Variants in CTIF observed in about 807,000 individuals in gnomAD.
CTIF encodes CBP80/20-dependent translation initiation factor.
In CTIF, 21 loss-of-function variants were observed where a neutral mutation model predicts 66.0. The observed-to-expected ratio is 0.32, with a 90% confidence interval of 0.23 to 0.46. The LOEUF is 0.46. CTIF is among the 20% of genes least tolerant of loss of function. The pLI, the probability that CTIF is intolerant of heterozygous loss-of-function variation, is 1.00. For synonymous variants in CTIF, 345 were observed against 326.4 expected (o/e 1.06, Z -0.62); for missense variants, 739 against 812.7 (o/e 0.91, Z 1.10).
intron 7 of CTIF, among the ~76,000 whole-genome samples, chr18:48,720,277 G>C (rs60240847): frequency 8.6e-5 from 13 of 151,804 alleles, no homozygotes; most frequent in Admixed American, 1.3e-4. Context: ...AGATGGGGAC[G>C]GGGGGGATGC....
At chr18:48,642,161 C>A (rs2090946103) in intron 3 of CTIF, among the ~76,000 whole-genome samples, 2 of 152,138 alleles carry the variant, frequency 1.3e-5, no homozygotes, top group Non-Finnish European at 2.9e-5. Flanking sequence ...CTGCTGTGAG[C>A]CCAGCAGATG....
Position 48,707,613 on chromosome 18 carries a change from CCTT to C in CTIF, c.508-4003_508-4001del, listed in dbSNP as rs368764232. ...TTCCTTCTCCTTTCTTCCTCCTCCT[CCTT>C]CTCCTCTTCCTCATTCTCCTTTTTT... is the stretch of plus-strand genomic sequence containing the variant. On this transcript the variant is annotated intron_variant, in intron 6 of 11. Transcript: ENST00000256413. Among the ~76,000 whole-genome samples the C allele has an allele frequency of 4.0e-3, 606 of 151,922 alleles. 4 individuals carry two copies. Among genetic ancestry groups the C allele is most frequent in the African/African-American group, 0.014 (570 of 41,376 alleles).
intron 7 of CTIF, among the ~76,000 whole-genome samples, chr18:48,726,934 C>G (rs1191779301): frequency 6.6e-6 from 1 of 152,078 alleles, no homozygotes; most frequent in Admixed American, 6.5e-5. Context: ...AGCATCAGCT[C>G]CAAGTCCAAA....
chr18:48,807,616 T>C (rs1031910299), intron 9 of CTIF, among the ~76,000 whole-genome samples: 4 of 150,458 alleles, frequency 2.7e-5, no homozygotes, highest in Non-Finnish European at 5.9e-5. Context: ...AGTCTCGCTC[T>C]GTTGCCCAGG....
chr18:48,787,121 T>C (rs1374471798), intron 9 of CTIF, among the ~76,000 whole-genome samples: 2 of 152,150 alleles, frequency 1.3e-5, no homozygotes, highest in Non-Finnish European at 2.9e-5. Flanking sequence ...GCAGTGCCTT[T>C]CACTGGCTCT....
chr18:48,702,124 A>G (rs1244269979), intron 6 of CTIF, among the ~76,000 whole-genome samples: 1 of 152,248 alleles, frequency 6.6e-6, no homozygotes. Flanking sequence ...ATCCAGGCTT[A>G]GCGACAGCTA....
rs544126275 is a variant in CTIF at position 48,846,851 on chromosome 18, G to GTGGA, written c.1528-10718_1528-10715dup. Among the ~76,000 whole-genome samples, 172 of 147,910 alleles carry GTGGA rather than the reference G, an allele frequency of 1.2e-3. 1 individual carries two copies. Among genetic ancestry groups the GTGGA allele is most frequent in the African/African-American group, 3.6e-3 (146 of 40,142 alleles). On this transcript the variant is annotated intron_variant, in intron 10 of 11. Transcript: ENST00000256413. Reference sequence around the variant, plus strand: ...GATAGATGAATGAAAGAATGGATGGGTGGATGGATGGATGGATGGATGAGT... The same window carrying GTGGA: ...GATAGATGAATGAAAGAATGGATGGGTGGATGGATGGATGGATGGATGGATGAGT...
intron 6 of CTIF, among the ~76,000 whole-genome samples, chr18:48,681,713 C>T (rs2091745825): frequency 6.6e-6 from 1 of 152,202 alleles, no homozygotes. Flanking sequence ...TCCAGCAGCA[C>T]CAGTTGCCTT....
chr18:48,668,134 G>A (rs1568119291), intron 5 of CTIF, among the ~76,000 whole-genome samples: 2 of 152,218 alleles, frequency 1.3e-5, no homozygotes, highest in Non-Finnish European at 2.9e-5. Context: ...AGGCCTCGTG[G>A]GACAGCAGCC....
At chr18:48,638,762 A>G (rs972601435) in intron 3 of CTIF, among the ~76,000 whole-genome samples, 3 of 152,244 alleles carry the variant, frequency 2.0e-5, no homozygotes, top group African/African-American at 7.2e-5. Context: ...ACTCAACTTA[A>G]AAGTGAAGTT....
At chr18:48,853,576 G>A (rs575555755) in intron 10 of CTIF, among the ~76,000 whole-genome samples, 2 of 152,278 alleles carry the variant, frequency 1.3e-5, no homozygotes, top group African/African-American at 4.8e-5. Context: ...ATCCCAAAAC[G>A]ATTTCTTTTC....
At chr18:48,753,109 C>T (rs999922937) in intron 7 of CTIF, among the ~76,000 whole-genome samples, 38 of 152,342 alleles carry the variant, frequency 2.5e-4, no homozygotes, top group Admixed American at 1.2e-3. Context: ...GCAGAGCTCA[C>T]TCAGGGCATG....
chr18:48,751,944 T>TATTCATTC lies in CTIF; in HGVS notation c.585-5942_585-5935dup, dbSNP rs71976839. Among the ~76,000 whole-genome samples the TATTCATTC allele has an allele frequency of 1.5e-3, 230 of 151,028 alleles. 1 individual carries two copies. Among genetic ancestry groups the TATTCATTC allele is most frequent in the African/African-American group, 5.2e-3 (213 of 41,104 alleles). The stretch of plus-strand genomic sequence containing the variant: ...ACCAGCCTTTCTCTGCATCATTTAT[T>TATTCATTC]ATTCATTCATTCATTCATTCATTCA... On this transcript the variant is annotated intron_variant, in intron 7 of 11. Transcript: ENST00000256413.
chr18:48,804,370 G>A (rs2068101717), intron 9 of CTIF, among the ~76,000 whole-genome samples: 1 of 152,230 alleles, frequency 6.6e-6, no homozygotes. Flanking sequence ...CTGCTCCAGA[G>A]TCTAGGTGTG....
At chr18:48,653,687 A>G (rs938197282) in intron 3 of CTIF, among the ~76,000 whole-genome samples, 3 of 152,246 alleles carry the variant, frequency 2.0e-5, no homozygotes, top group African/African-American at 7.2e-5. Context: ...AAGCAAAAAG[A>G]ACAAAGCTGG....
chr18:48,700,480 C>T (rs1301696967), intron 6 of CTIF, among the ~76,000 whole-genome samples: 8 of 152,208 alleles, frequency 5.3e-5, no homozygotes, highest in Non-Finnish European at 1.2e-4. Context: ...TGGAGGCTTC[C>T]CCCCGGCACA....
chr18:48,680,027 C>G (rs1354948435), intron 6 of CTIF, among the ~76,000 whole-genome samples: 1 of 152,160 alleles, frequency 6.6e-6, no homozygotes, highest in African/African-American at 2.4e-5. Context: ...CAAATAGGGA[C>G]TCAGCCGAAT....
chr18:48,797,496 G>GGC (rs1555695524), intron 9 of CTIF, among the ~76,000 whole-genome samples: 2 of 149,504 alleles, frequency 1.3e-5, no homozygotes, highest in Non-Finnish European at 3.0e-5. Flanking sequence ...AAGAAAAGGG[G>GGC]TGGGGGGGCA....
chr18:48,859,826 C>T lies in CTIF; in HGVS notation c.*267C>T, dbSNP rs2069420382. 1.6e-6 allele frequency: 1 copy of T among 633,778 alleles called. No homozygotes were observed. The highest frequency in any genetic ancestry group is 1.8e-5 in the African/African-American group (1 of 55,746). The allele number at this position is 633,778 out of a possible 1,614,324, so 39.3% of individuals were successfully genotyped here. ...TTTTCCTGGTGGCCCTGGCCCTCCCCTTCCTCACTCCCGCCTCTCCCCTCC... is the reference window on the plus strand; with the variant it reads ...TTTTCCTGGTGGCCCTGGCCCTCCCTTTCCTCACTCCCGCCTCTCCCCTCC... On this transcript the variant is annotated 3_prime_UTR_variant, in exon 12 of 12. Coordinates refer to ENST00000256413, the MANE Select transcript of CTIF (RefSeq NM_014772.3).
Sources: allele counts gnomAD v4.1 joint callset (sites outside exome capture counted in the v4.1 genomes callset), GRCh38; gene constraint gnomAD v4.1.1; transcripts MANE v1.5; gene names NCBI Gene and HGNC (gene_info 2026-07-23, HGNC 2026-07-21).